The following PABPC4L variants were observed in gnomAD, a reference collection of about 807,000 sequenced individuals.
PABPC4L encodes the protein poly(A) binding protein cytoplasmic 4 like, also known as polyadenylate-binding protein 4-like.
For missense variants in PABPC4L, 452 were observed against 451.4 expected (o/e 1.00, Z -0.01); for synonymous variants, 169 against 164.1 (o/e 1.03, Z -0.23).
the PABPC4L span, among the ~76,000 whole-genome samples, chr4:133,999,845 T>G: frequency 1.3e-5 from 2 of 152,030 alleles, no homozygotes; most frequent in Non-Finnish European, 2.9e-5. Flanking sequence ...TGCCCAGGGA[T>G]GAAGGGAAAA....
At chr4:134,045,919 T>A in the PABPC4L span, among the ~76,000 whole-genome samples, 1 of 152,162 alleles carries the variant, frequency 6.6e-6, no homozygotes, top group Admixed American at 6.6e-5. Flanking sequence ...AGTATCCAAG[T>A]TACCCCATTA....
At chr4:133,958,547 T>C in the PABPC4L span, among the ~76,000 whole-genome samples, 1 of 152,156 alleles carries the variant, frequency 6.6e-6, no homozygotes, top group Non-Finnish European at 1.5e-5. Flanking sequence ...ACCATATTAA[T>C]CCATTTTCAT....
the PABPC4L span, among the ~76,000 whole-genome samples, chr4:134,180,329 A>C: frequency 6.6e-6 from 1 of 152,184 alleles, no homozygotes; most frequent in South Asian, 2.1e-4. Flanking sequence ...TCAAAGAATT[A>C]TTTGAAATTA....
the PABPC4L span, among the ~76,000 whole-genome samples, chr4:134,017,216 C>T: frequency 6.6e-6 from 1 of 152,170 alleles, no homozygotes; most frequent in Non-Finnish European, 1.5e-5. Flanking sequence ...AAACACACCT[C>T]ACCAAGTTCA....
the PABPC4L span, among the ~76,000 whole-genome samples, chr4:134,114,903 T>C: frequency 6.6e-6 from 1 of 151,906 alleles, no homozygotes; most frequent in East Asian, 1.9e-4. Context: ...TATCAAAGAA[T>C]TGTAGTCAAT....
At chr4:134,058,298 A>G in the PABPC4L span, among the ~76,000 whole-genome samples, 1 of 152,064 alleles carries the variant, frequency 6.6e-6, no homozygotes, top group Non-Finnish European at 1.5e-5. Flanking sequence ...AATTTATCTA[A>G]AAATAGGCAA....
At chr4:133,952,406 C>A in the PABPC4L span, among the ~76,000 whole-genome samples, 2 of 151,680 alleles carry the variant, frequency 1.3e-5, no homozygotes, top group African/African-American at 2.4e-5. Flanking sequence ...AGGGGTCAGG[C>A]ACCACAGGAT....
chr4:134,127,103 T>G, the PABPC4L span, among the ~76,000 whole-genome samples: 1 of 151,898 alleles, frequency 6.6e-6, no homozygotes, highest in Non-Finnish European at 1.5e-5. Context: ...CACACCCCTA[T>G]CCCACCCACA....
the PABPC4L span, among the ~76,000 whole-genome samples, chr4:134,083,537 GCAGGT>G: frequency 6.6e-6 from 1 of 152,060 alleles, no homozygotes; most frequent in African/African-American, 2.4e-5. Flanking sequence ...ATTCCTGAAG[GCAGGT>G]TTCCGCAGCT....
chr4:133,948,573 A>G, the PABPC4L span, among the ~76,000 whole-genome samples: 2 of 152,228 alleles, frequency 1.3e-5, no homozygotes, highest in South Asian at 4.1e-4. Flanking sequence ...GAGAATGAGA[A>G]GATTGCTTTA....
chr4:134,175,746 G>C, the PABPC4L span, among the ~76,000 whole-genome samples: 2 of 152,130 alleles, frequency 1.3e-5, no homozygotes, highest in African/African-American at 4.8e-5. Context: ...ACTGTGCCTG[G>C]TCTGATCTGA....
the PABPC4L span, among the ~76,000 whole-genome samples, chr4:134,063,643 T>A: frequency 6.6e-6 from 1 of 152,052 alleles, no homozygotes; most frequent in Non-Finnish European, 1.5e-5. Context: ...AAAAGTGTTC[T>A]TCGTACTATT....
the PABPC4L span, among the ~76,000 whole-genome samples, chr4:134,089,163 C>T: frequency 6.6e-6 from 1 of 152,020 alleles, no homozygotes; most frequent in African/African-American, 2.4e-5. Context: ...AAGTTTGTTT[C>T]ACTAAGCAAT....
the PABPC4L span, among the ~76,000 whole-genome samples, chr4:134,094,967 T>C: frequency 2.0e-5 from 3 of 151,742 alleles, no homozygotes; most frequent in Admixed American, 6.6e-5. Context: ...TAGAAAATTT[T>C]ATATGAAAAA....
chr4:134,020,008 A>T, the PABPC4L span, among the ~76,000 whole-genome samples: 1 of 152,146 alleles, frequency 6.6e-6, no homozygotes, highest in African/African-American at 2.4e-5. Flanking sequence ...AATCAACTGT[A>T]TTATTTCTCA....
chr4:134,092,013 G>A, the PABPC4L span, among the ~76,000 whole-genome samples: 107,807 of 151,840 alleles, frequency 0.71, 38,780 homozygotes, highest in East Asian at 0.96. Context: ...AAGAGTTATT[G>A]ATAGATTTTC....
the PABPC4L span, among the ~76,000 whole-genome samples, chr4:134,190,161 G>A: frequency 6.6e-6 from 1 of 152,044 alleles, no homozygotes; most frequent in African/African-American, 2.4e-5. Context: ...TACCATACAG[G>A]TTTCTGCTTG....
At chr4:134,064,064 G>A in the PABPC4L span, among the ~76,000 whole-genome samples, 1 of 151,880 alleles carries the variant, frequency 6.6e-6, no homozygotes, top group Non-Finnish European at 1.5e-5. Context: ...CCAAACACAT[G>A]CATAAAGAAA....
At chr4:134,143,824 C>T in the PABPC4L span, among the ~76,000 whole-genome samples, 1 of 151,292 alleles carries the variant, frequency 6.6e-6, no homozygotes. Flanking sequence ...ACAGACATGG[C>T]TAAATTTCTA....
Sources: gnomAD v4.1 joint callset for allele counts (sites outside exome capture counted in the v4.1 genomes callset) on GRCh38, gnomAD v4.1.1 for gene constraint, MANE v1.5 for transcripts, NCBI Gene and HGNC (gene_info 2026-07-23, HGNC 2026-07-21) for gene names.